The following RAD17 variants were observed in gnomAD, a reference collection of about 807,000 sequenced individuals.
RAD17 encodes RAD17 checkpoint clamp loader component, also known as cell cycle checkpoint protein RAD17.
A neutral mutation model predicts 81.5 loss-of-function variants in RAD17; 31 were observed. The ratio of observed to expected loss-of-function variants is 0.38; its 90% CI spans 0.29 to 0.51. RAD17 has a LOEUF of 0.51. RAD17 is among the 20% of genes least tolerant of loss of function. The pLI is 0.88. For synonymous variants in RAD17, 261 were observed against 266.2 expected, an observed-to-expected ratio of 0.98 and a Z score of 0.19; for missense variants, 681 against 781.2, an observed-to-expected ratio of 0.87 and a Z score of 1.53.
intron 6 of RAD17, among the ~76,000 whole-genome samples, chr5:69,377,040 C>A (rs892267806): frequency 1.5e-4 from 23 of 152,156 alleles, no homozygotes; most frequent in Non-Finnish European, 1.6e-4. Context: ...AGGTGTGAGT[C>A]ATCACGCCCA....
At chr5:69,407,702 G>C (rs1765712324) in intron 17 of RAD17, among the ~76,000 whole-genome samples, 1 of 149,244 alleles carries the variant, frequency 6.7e-6, no homozygotes, top group South Asian at 2.1e-4. Flanking sequence ...TCAACCCCCT[G>C]AGTAGCTGGG....
intron 18 of RAD17, among the ~76,000 whole-genome samples, chr5:69,410,977 A>C (rs901557312): frequency 3.5e-5 from 5 of 142,524 alleles, no homozygotes; most frequent in African/African-American, 7.7e-5. Flanking sequence ...ATATATATAT[A>C]TATATATATA....
At position 69,391,965 on chromosome 5, in the gene RAD17, G is replaced by A. The variant is rs73113070; in HGVS notation, c.1141G>A (p.Val381Ile). ...GGTCCAAGCTATTGGTGGCAAAGAT[G>A]TTTCTCTGTTTCTCTTCAGAGCTTT... The part of the protein sequence containing the change: ...QEVQAIGGKD[V>I]SLFLFRALGK... The change falls in exon 13 of 19, where the codon GTT (valine) becomes ATT (isoleucine). Residue 381 changes from valine to isoleucine, a missense_variant. Transcript: ENST00000354868. 3,971 of 1,566,038 alleles carry A rather than the reference G, an allele frequency of 2.5e-3. 87 individuals carry two copies. The African/African-American group carries it at 0.048, about 19-fold the overall frequency.
chr5:69,371,626 A>T, intron 3 of RAD17, 69 bp downstream of exon 3: 2 of 854,244 alleles, frequency 2.3e-6, no homozygotes, highest in Non-Finnish European at 3.2e-6. Flanking sequence ...ATATATTCTT[A>T]ATAACTTATT....
intron 18 of RAD17, among the ~76,000 whole-genome samples, chr5:69,410,946 G>T (rs1239179872): frequency 1.9e-5 from 1 of 53,124 alleles, no homozygotes; most frequent in African/African-American, 7.0e-5. Context: ...ATTTAAACAA[G>T]CAAAAAATAG....
At chr5:69,369,390 G>C (rs1762743781), upstream of RAD17, 1 of 1,553,646 alleles carries the variant, frequency 6.4e-7, no homozygotes, top group Non-Finnish European at 8.7e-7. Flanking sequence ...CCCCCACCTG[G>C]GCGCCCGATG....
At chr5:69,408,506 C>CTTTTTTT (rs913594965) in intron 17 of RAD17, among the ~76,000 whole-genome samples, 16 of 88,442 alleles carry the variant, frequency 1.8e-4, no homozygotes, top group South Asian at 4.4e-4. Flanking sequence ...ACCCTAATTA[C>CTTTTTTT]TTTTTTTTTT....
At chr5:69,381,696 A>G (rs1763869187) in intron 6 of RAD17, among the ~76,000 whole-genome samples, 1 of 152,142 alleles carries the variant, frequency 6.6e-6, no homozygotes, top group South Asian at 2.1e-4. Flanking sequence ...TTTTGTATGG[A>G]AAAGGGGGGA....
Position 69,386,181 on chromosome 5 carries a change from A to G in RAD17, c.700A>G (p.Lys234Glu), listed in dbSNP as rs1181810818. 6.2e-7 allele frequency: 1 copy of G among 1,602,794 alleles called. No individual in the cohort carries two copies. Among genetic ancestry groups the G allele is most frequent in the Admixed American group, 1.7e-5 (1 of 58,668 alleles). ...CATTGCTGTATTTTGTTATTTTAGG[A>G]AGTATGTGAGGATTGGTCGATGTCC... The part of the protein sequence containing the change: ...DSHTLHEVLR[K>E]YVRIGRCPLI... The change falls in exon 10 of 19, where the codon AAG (lysine) becomes GAG (glutamate). Residue 234 changes from lysine (K) to glutamate (E), a missense_variant and splice_region_variant. Transcript: ENST00000354868.
chr5:69,393,038 AAC>A lies in RAD17; in HGVS notation c.1190-115_1190-114del, dbSNP rs1764641806. On this transcript the variant is annotated intron_variant, in intron 13 of 18. Transcript: ENST00000354868. ...GTTTTTTATTTATTTATTATTTTTT[AAC>A]AGTTTGTTACTATGTTGGTATTGTA... 6.8e-6 allele frequency: 4 copies of A among 589,996 alleles called. No individual in the cohort carries two copies. In the South Asian group the frequency reaches 1.1e-4, roughly 17 times the overall value. 36.5% of individuals were successfully genotyped at this position (589,996 alleles called of 1,614,324 possible).
At chr5:69,369,416 G>A (rs768712772), upstream of RAD17, 9 of 1,598,692 alleles carry the variant, frequency 5.6e-6, no homozygotes, top group Non-Finnish European at 6.8e-6. Context: ...AGCACTCTGC[G>A]CCCCCAGCCT....
intron 11 of RAD17, 64 bp downstream of exon 11, chr5:69,386,529 T>C (rs1764223947): frequency 2.1e-6 from 3 of 1,426,084 alleles, no homozygotes; most frequent in Non-Finnish European, 2.8e-6. Flanking sequence ...AATAGTATTA[T>C]GTAAACTGAA....
chr5:69,385,094 G>T (rs1764106776), intron 8 of RAD17, among the ~76,000 whole-genome samples, 161 bp downstream of exon 8: 1 of 151,370 alleles, frequency 6.6e-6, no homozygotes, highest in Non-Finnish European at 1.5e-5. Context: ...GGAGTAGCTG[G>T]GACTACAGGC....
chr5:69,373,708 TTTTTTTTTAA>T, intron 4 of RAD17, 112 bp from the exon 5 acceptor site: 2 of 555,452 alleles, frequency 3.6e-6, no homozygotes, highest in South Asian at 3.5e-5. Flanking sequence ...TTTTTTTTTT[TTTTTTTTTAA>T]GTTTTAAAGG....
intron 17 of RAD17, among the ~76,000 whole-genome samples, chr5:69,404,623 G>A (rs1210038949): frequency 6.6e-6 from 1 of 152,032 alleles, no homozygotes; most frequent in Non-Finnish European, 1.5e-5. Context: ...CAAAAAATTA[G>A]CTGGGTGCAG....
In RAD17 at chr5:69,390,024, TAATA is replaced by T. The variant is rs777346190; in HGVS notation, c.1006+883_1006+886del. Reference sequence around the variant, plus strand: ...AAAGTATAAATTTATGAGATATGTTTAATAAATTTCCTGTTAATATGTAGAAAGA... The same window carrying T: ...AAAGTATAAATTTATGAGATATGTTTAATTTCCTGTTAATATGTAGAAAGA... On this transcript the variant is annotated intron_variant, in intron 12 of 18. Coordinates refer to ENST00000354868, the MANE Select transcript of RAD17 (RefSeq NM_133338.3). 2.6e-5 allele frequency among the ~76,000 whole-genome samples: 4 copies of T among 152,226 alleles called. No individual in the cohort carries two copies. The South Asian group carries it at 8.3e-4, about 31-fold the overall frequency.
chr5:69,412,545 A>G (rs1407592892), intron 18 of RAD17, among the ~76,000 whole-genome samples: 3 of 152,140 alleles, frequency 2.0e-5, no homozygotes, highest in Non-Finnish European at 4.4e-5. Context: ...ATCAATAGGT[A>G]TATACCTTTT....
chr5:69,390,797 A>T (rs1250417244), intron 12 of RAD17, among the ~76,000 whole-genome samples: 1 of 150,528 alleles, frequency 6.6e-6, no homozygotes, highest in East Asian at 2.0e-4. Flanking sequence ...TCTAATTAAA[A>T]ATATATATAT....
upstream of RAD17, chr5:69,369,393 G>A (rs1762743980): frequency 1.3e-6 from 2 of 1,554,260 alleles, no homozygotes; most frequent in South Asian, 1.2e-5. Context: ...CCACCTGGGC[G>A]CCCGATGCCC....
Sources: gnomAD v4.1 joint callset for allele counts (sites outside exome capture counted in the v4.1 genomes callset) on GRCh38, gnomAD v4.1.1 for gene constraint, MANE v1.5 for transcripts, NCBI Gene and HGNC (gene_info 2026-07-23, HGNC 2026-07-21) for gene names.